The following TGFBR3 variants were observed in gnomAD, a reference collection of about 807,000 sequenced individuals.
TGFBR3 encodes the protein transforming growth factor beta receptor type 3.
In TGFBR3, 46 loss-of-function variants were observed where a neutral mutation model predicts 87.9. The observed-to-expected ratio is 0.52, with a 90% confidence interval of 0.41 to 0.67. The LOEUF (loss-of-function observed/expected upper bound fraction) is 0.67. Among genes scored for constraint, TGFBR3 ranks in the 30% least tolerant of loss-of-function variants. TGFBR3 has a pLI of 0.00. For missense variants in TGFBR3, 866 were observed against 1,041.9 expected (o/e 0.83, Z 2.32); for synonymous variants, 381 against 391.6 (o/e 0.97, Z 0.32).
chr1:91,869,179 T>C (rs1262060390), intron 1 of TGFBR3, among the ~76,000 whole-genome samples: 3 of 152,320 alleles, frequency 2.0e-5, no homozygotes, highest in Non-Finnish European at 4.4e-5. Context: ...AAGTTAAACT[T>C]GGACACCTAG....
chr1:91,833,288 T>G (rs1217052291), intron 2 of TGFBR3, among the ~76,000 whole-genome samples: 3 of 72,874 alleles, frequency 4.1e-5, no homozygotes, highest in Non-Finnish European at 7.0e-5. Context: ...AGTAGGAGAC[T>G]CCGACTCAAA....
intron 4 of TGFBR3, among the ~76,000 whole-genome samples, chr1:91,742,006 A>T (rs1390082242): frequency 6.6e-6 from 1 of 152,178 alleles, no homozygotes; most frequent in East Asian, 1.9e-4. Flanking sequence ...CACATACCCA[A>T]GAACTACTCA....
intron 14 of TGFBR3, among the ~76,000 whole-genome samples, chr1:91,705,265 C>G (rs906904234): frequency 6.6e-6 from 1 of 151,188 alleles, no homozygotes; most frequent in Non-Finnish European, 1.5e-5. Context: ...TGCTCTGTCC[C>G]CCAGGCTGGA....
At position 91,837,242 on chromosome 1, in the gene TGFBR3, T is replaced by G. The variant is rs920612591; in HGVS notation, c.61+24229A>C. Among the ~76,000 whole-genome samples the G allele has an allele frequency of 4.6e-5, 7 of 151,796 alleles. No individual in the cohort carries two copies. The South Asian group carries it at 1.2e-3, about 27-fold the overall frequency. On this transcript the variant is annotated intron_variant, in intron 2 of 16. Coordinates refer to ENST00000212355, the MANE Select transcript of TGFBR3 (RefSeq NM_003243.5). ...GGATATTATTTATTTATTTATTTATTTATTTATTTAATTTTCCAAGATAGA... is the reference window on the plus strand; with the variant it reads ...GGATATTATTTATTTATTTATTTATGTATTTATTTAATTTTCCAAGATAGA...
At chr1:91,723,638 G>T (rs1311656349) in intron 7 of TGFBR3, among the ~76,000 whole-genome samples, 1 of 152,112 alleles carries the variant, frequency 6.6e-6, no homozygotes, top group African/African-American at 2.4e-5. Flanking sequence ...TACATCAGTT[G>T]CTGACTCCTG....
At position 91,885,873 on chromosome 1, in the gene TGFBR3, C is replaced by A. The variant is rs1342683838; in HGVS notation, c.-114+5G>T. ...GCAGCGCCGCGGGGCTGGGCCGGCA[C>A]GTACCTCGGAGGCGGTGTGTCCAGC... On this transcript the variant is annotated splice_donor_5th_base_variant and intron_variant, in intron 1 of 16. Coordinates refer to ENST00000212355, the MANE Select transcript of TGFBR3 (RefSeq NM_003243.5). 2.7e-6 allele frequency: 1 copy of A among 372,112 alleles called. No individual in the cohort carries two copies. Among genetic ancestry groups the A allele is most frequent in the South Asian group, 1.9e-5 (1 of 51,386 alleles). 23.1% of individuals were successfully genotyped at this position (372,112 alleles called of 1,614,324 possible).
At chr1:91,685,223 T>C (rs1671049354) in intron 16 of TGFBR3, among the ~76,000 whole-genome samples, 1 of 152,180 alleles carries the variant, frequency 6.6e-6, no homozygotes, top group Non-Finnish European at 1.5e-5. Flanking sequence ...GTTTGGCCCT[T>C]GTTGTACTTC....
chr1:91,754,637 G>T (rs1319891513), intron 4 of TGFBR3, among the ~76,000 whole-genome samples: 1 of 152,168 alleles, frequency 6.6e-6, no homozygotes, highest in Non-Finnish European at 1.5e-5. Flanking sequence ...TGTGCTGTGA[G>T]GGGGTGAGAA....
chr1:91,808,794 A>C (rs994889738), intron 2 of TGFBR3, among the ~76,000 whole-genome samples: 5 of 152,142 alleles, frequency 3.3e-5, no homozygotes, highest in African/African-American at 1.2e-4. Flanking sequence ...AATATGGTGC[A>C]CCTGTCCCTA....
At chr1:91,774,773 TTC>T (rs773456334) in intron 3 of TGFBR3, among the ~76,000 whole-genome samples, 4 of 152,160 alleles carry the variant, frequency 2.6e-5, no homozygotes, top group Admixed American at 6.5e-5. Context: ...AGTTATGAAA[TTC>T]TCTCTTTCCC....
intron 8 of TGFBR3, among the ~76,000 whole-genome samples, chr1:91,721,174 C>T (rs919173917): frequency 1.3e-5 from 2 of 152,088 alleles, no homozygotes; most frequent in East Asian, 3.9e-4. Flanking sequence ...TTGGAAAGGA[C>T]GCTAGAGCTG....
chr1:91,807,198 C>T (rs568211579), intron 2 of TGFBR3, among the ~76,000 whole-genome samples: 20 of 152,332 alleles, frequency 1.3e-4, no homozygotes, highest in Non-Finnish European at 2.4e-4. Flanking sequence ...GCTTCTACCA[C>T]AGCTCCTACC....
chr1:91,720,708 G>C (rs1429483518), intron 8 of TGFBR3, among the ~76,000 whole-genome samples: 1 of 152,196 alleles, frequency 6.6e-6, no homozygotes, highest in Non-Finnish European at 1.5e-5. Flanking sequence ...GGCTGTCCAA[G>C]CTAGAAAAAT....
At chr1:91,883,318 A>C (rs1162682365) in intron 1 of TGFBR3, among the ~76,000 whole-genome samples, 6 of 152,120 alleles carry the variant, frequency 3.9e-5, no homozygotes, top group Non-Finnish European at 8.8e-5. Flanking sequence ...ACACCACTTA[A>C]GGAAACAAAT....
intron 4 of TGFBR3, among the ~76,000 whole-genome samples, chr1:91,752,467 G>A (rs1370583621): frequency 3.3e-5 from 5 of 152,100 alleles, no homozygotes; most frequent in African/African-American, 7.2e-5. Context: ...CAGTAATATC[G>A]AGAGTGAATG....
chr1:91,816,585 C>G (rs1323102950), intron 2 of TGFBR3, among the ~76,000 whole-genome samples: 1 of 152,178 alleles, frequency 6.6e-6, no homozygotes, highest in Non-Finnish European at 1.5e-5. Flanking sequence ...AGTGTACCAC[C>G]TATTTCAGCT....
chr1:91,901,451 T>C (rs1679717323), intron 1 of TGFBR3, among the ~76,000 whole-genome samples: 1 of 152,246 alleles, frequency 6.6e-6, no homozygotes, highest in Admixed American at 6.5e-5. Flanking sequence ...TGATTATTTA[T>C]GTGATTAAGC....
intron 2 of TGFBR3, among the ~76,000 whole-genome samples, chr1:91,802,711 C>G (rs1259704073): frequency 1.3e-5 from 2 of 152,118 alleles, no homozygotes; most frequent in African/African-American, 4.8e-5. Flanking sequence ...GCTCCTTCAC[C>G]ATCTACTTTT....
upstream of TGFBR3, among the ~76,000 whole-genome samples, chr1:91,889,316 G>A (rs956950909): frequency 5.3e-5 from 8 of 151,810 alleles, no homozygotes; most frequent in African/African-American, 1.5e-4. Context: ...CACATCCACC[G>A]ACCTCAAAAC....
Sources: gnomAD v4.1 joint callset for allele counts (sites outside exome capture counted in the v4.1 genomes callset) on GRCh38, gnomAD v4.1.1 for gene constraint, MANE v1.5 for transcripts, NCBI Gene and HGNC (gene_info 2026-07-23, HGNC 2026-07-21) for gene names.